The following VTA1 variants were observed in gnomAD, a reference collection of about 807,000 sequenced individuals.
The protein encoded by VTA1 is vacuolar protein sorting-associated protein VTA1 homolog.
Under a neutral mutation model 36.9 loss-of-function variants are expected in VTA1, and 24 were observed. That is an observed-to-expected ratio of 0.65 (90% confidence interval 0.47 to 0.91). The LOEUF (loss-of-function observed/expected upper bound fraction) is 0.91, where lower values mean the gene tolerates loss of function less well. Among genes scored for constraint, VTA1 ranks in the 40% least tolerant of loss-of-function variants. VTA1 has a pLI of 0.00. For synonymous variants in VTA1, 142 were observed against 130.2 expected, an observed-to-expected ratio of 1.09 and a Z score of -0.62; for missense variants, 393 against 377.2, an observed-to-expected ratio of 1.04 and a Z score of -0.35.
At chr6:142,179,063 A>T (rs1328769282) in intron 4 of VTA1, among the ~76,000 whole-genome samples, 2 of 152,116 alleles carry the variant, frequency 1.3e-5, no homozygotes, top group Non-Finnish European at 2.9e-5. Flanking sequence ...TGTGCACCTA[A>T]TAATAAAACT....
At position 142,219,063 on chromosome 6, in the gene VTA1, GA is replaced by G. The variant is rs1776056308; in HGVS notation, c.*422del. ...ATGTAACTTTTAATAAAGATAGCCAGAATATTCTAAATTAGAAATTACGTTT... is the reference window on the plus strand; with the variant it reads ...ATGTAACTTTTAATAAAGATAGCCAGATATTCTAAATTAGAAATTACGTTT... On this transcript the variant is annotated 3_prime_UTR_variant, in exon 8 of 8. Coordinates refer to ENST00000367630, the MANE Select transcript of VTA1 (RefSeq NM_016485.5). The G allele has an allele frequency of 6.6e-6, 1 of 152,494 alleles. No homozygotes were observed. The highest frequency in any genetic ancestry group is 1.5e-5 in the Non-Finnish European group (1 of 68,252). The allele number at this position is 152,494 out of a possible 1,614,324, so 9.4% of individuals were successfully genotyped here. A position where few individuals can be genotyped will look rare whatever the true frequency, so the allele number is the denominator to read the frequency against.
chr6:142,167,052 C>T (rs910559234), intron 2 of VTA1, among the ~76,000 whole-genome samples: 4 of 152,092 alleles, frequency 2.6e-5, no homozygotes, highest in Non-Finnish European at 4.4e-5. Flanking sequence ...GGAAATGATG[C>T]CAATTACTTA....
intron 1 of VTA1, among the ~76,000 whole-genome samples, chr6:142,154,161 G>A (rs539473057): frequency 2.2e-4 from 33 of 151,838 alleles, no homozygotes; most frequent in African/African-American, 6.5e-4. Flanking sequence ...TCTCCTTTTC[G>A]CTACCTCACC....
chr6:142,152,761 C>T (rs1276924977), intron 1 of VTA1, among the ~76,000 whole-genome samples: 3 of 152,010 alleles, frequency 2.0e-5, no homozygotes, highest in Non-Finnish European at 4.4e-5. Context: ...AACATAAAAA[C>T]ATGTTAAGGG....
chr6:142,204,287 T>C (rs374658176), intron 7 of VTA1, among the ~76,000 whole-genome samples: 1 of 152,200 alleles, frequency 6.6e-6, no homozygotes, highest in East Asian at 1.9e-4. Flanking sequence ...TGTCCCCTTT[T>C]GTTACAGTTC....
chr6:142,207,970 C>A (rs113726412), intron 7 of VTA1, among the ~76,000 whole-genome samples: 1 of 151,642 alleles, frequency 6.6e-6, no homozygotes, highest in Admixed American at 6.6e-5. Flanking sequence ...GCCTATAATC[C>A]CAGCTACTTG....
intron 4 of VTA1, among the ~76,000 whole-genome samples, chr6:142,182,801 G>A (rs1292757696): frequency 1.3e-5 from 2 of 152,148 alleles, no homozygotes; most frequent in Non-Finnish European, 2.9e-5. Context: ...CTGAACAGAA[G>A]ATATAAATTT....
chr6:142,149,328 A>G (rs1040024043), intron 1 of VTA1, among the ~76,000 whole-genome samples: 1 of 152,220 alleles, frequency 6.6e-6, no homozygotes, highest in Non-Finnish European at 1.5e-5. Context: ...AAACATGTAC[A>G]TATAAAAGCA....
chr6:142,213,346 C>T (rs1775939130), intron 7 of VTA1, among the ~76,000 whole-genome samples: 1 of 152,164 alleles, frequency 6.6e-6, no homozygotes, highest in South Asian at 2.1e-4. Context: ...TGGGCAGCTC[C>T]ACCCCTGTGG....
At chr6:142,150,851 G>T (rs867093216) in intron 1 of VTA1, among the ~76,000 whole-genome samples, 8 of 151,420 alleles carry the variant, frequency 5.3e-5, no homozygotes, top group East Asian at 1.9e-4. Context: ...GGCAGAAGTC[G>T]CAGTAAGCTG....
At chr6:142,195,522 T>A (rs772978944) in intron 5 of VTA1, among the ~76,000 whole-genome samples, 3 of 151,430 alleles carry the variant, frequency 2.0e-5, no homozygotes, top group Non-Finnish European at 3.0e-5. Flanking sequence ...CAACAAGTAC[T>A]TAGTACAGTT....
At chr6:142,184,855 T>C (rs1432704430) in intron 4 of VTA1, among the ~76,000 whole-genome samples, 1 of 152,178 alleles carries the variant, frequency 6.6e-6, no homozygotes, top group African/African-American at 2.4e-5. Flanking sequence ...GAAGACCAAG[T>C]AGAGGAAAAT....
intron 4 of VTA1, among the ~76,000 whole-genome samples, chr6:142,189,034 G>GT (rs777769594): frequency 8.9e-4 from 135 of 151,854 alleles, no homozygotes; most frequent in Non-Finnish European, 1.3e-3. Flanking sequence ...GTACAGTTCT[G>GT]TTTTTTTGTC....
At chr6:142,151,766 G>T (rs541806208) in intron 1 of VTA1, among the ~76,000 whole-genome samples, 121 of 152,338 alleles carry the variant, frequency 7.9e-4, no homozygotes, top group African/African-American at 2.8e-3. Flanking sequence ...GAGCACGGTG[G>T]CTCATGCCTG....
intron 4 of VTA1, among the ~76,000 whole-genome samples, chr6:142,177,218 A>T (rs976084931): frequency 6.6e-6 from 1 of 152,202 alleles, no homozygotes; most frequent in East Asian, 1.9e-4. Flanking sequence ...ATTGCCAAGA[A>T]CAATGTCTTA....
At chr6:142,186,458 G>A (rs1288110212) in intron 4 of VTA1, among the ~76,000 whole-genome samples, 1 of 152,138 alleles carries the variant, frequency 6.6e-6, no homozygotes, top group Non-Finnish European at 1.5e-5. Context: ...AAGAATAGAA[G>A]TTGGGACAAA....
At chr6:142,159,869 C>A (rs912758515) in intron 1 of VTA1, among the ~76,000 whole-genome samples, 1 of 151,950 alleles carries the variant, frequency 6.6e-6, no homozygotes, top group Non-Finnish European at 1.5e-5. Flanking sequence ...TATTCCATTT[C>A]TCCTTTCTAT....
intron 4 of VTA1, among the ~76,000 whole-genome samples, chr6:142,184,213 T>C (rs994316137): frequency 6.6e-6 from 1 of 152,236 alleles, no homozygotes; most frequent in African/African-American, 2.4e-5. Context: ...TGTTATTTCA[T>C]CTATTTTAAT....
chr6:142,207,710 A>G (rs1775821350), intron 7 of VTA1, among the ~76,000 whole-genome samples: 1 of 152,154 alleles, frequency 6.6e-6, no homozygotes, highest in Admixed American at 6.5e-5. Flanking sequence ...TAAATAACTA[A>G]TTCTTCCAGT....
Sources: allele counts gnomAD v4.1 joint callset (sites outside exome capture counted in the v4.1 genomes callset), GRCh38; gene constraint gnomAD v4.1.1; transcripts MANE v1.5; gene names NCBI Gene and HGNC (gene_info 2026-07-23, HGNC 2026-07-21).